TTC27: variants seen among roughly 807,000 people sequenced by gnomAD.
The protein encoded by TTC27 is tetratricopeptide repeat protein 27.
TTC27 carries 79 observed loss-of-function variants against 115.9 expected under a neutral mutation model. The ratio of observed to expected loss-of-function variants is 0.68; its 90% CI spans 0.57 to 0.82. The LOEUF (loss-of-function observed/expected upper bound fraction) is 0.82, where lower values mean the gene tolerates loss of function less well. Ranked by LOEUF, TTC27 falls within the 40% of genes least tolerant of loss-of-function variation. The pLI is 0.00. For missense variants in TTC27, 1,054 were observed against 993.1 expected, an observed-to-expected ratio of 1.06 and a Z score of -0.82; for synonymous variants, 401 against 356.0, an observed-to-expected ratio of 1.13 and a Z score of -1.42.
chr2:32,718,733 G>C (rs1043566002), intron 10 of TTC27, among the ~76,000 whole-genome samples: 3 of 152,200 alleles, frequency 2.0e-5, no homozygotes, highest in Non-Finnish European at 2.9e-5. Flanking sequence ...GCTGACTGCA[G>C]ACTCTGCACT....
chr2:32,695,895 A>T (rs1297422813), intron 9 of TTC27, among the ~76,000 whole-genome samples: 1 of 149,894 alleles, frequency 6.7e-6, no homozygotes, highest in Non-Finnish European at 1.5e-5. Flanking sequence ...CAAGAGTAAA[A>T]CTCCATCTCA....
chr2:32,754,835 C>CA (rs1553315717), intron 12 of TTC27, among the ~76,000 whole-genome samples: 2 of 149,056 alleles, frequency 1.3e-5, no homozygotes, highest in Admixed American at 6.6e-5. Flanking sequence ...TGACCCCCCC[C>CA]ACCTCCCTCC....
chr2:32,777,646 G>A (rs762098133), intron 13 of TTC27, among the ~76,000 whole-genome samples: 3 of 151,974 alleles, frequency 2.0e-5, no homozygotes, highest in South Asian at 2.1e-4. Context: ...GACTTTTTCC[G>A]TGAAACATAT....
intron 3 of TTC27, among the ~76,000 whole-genome samples, chr2:32,634,737 A>G (rs1165616326): frequency 6.6e-6 from 1 of 151,720 alleles, no homozygotes; most frequent in Non-Finnish European, 1.5e-5. Flanking sequence ...GCTCACTGCA[A>G]CCTCTGCCCC....
chr2:32,730,275 A>T (rs1460132967), intron 10 of TTC27, among the ~76,000 whole-genome samples: 2 of 152,230 alleles, frequency 1.3e-5, no homozygotes, highest in Non-Finnish European at 1.5e-5. Context: ...CTCCTAGACC[A>T]TTGAAAACAC....
intron 10 of TTC27, among the ~76,000 whole-genome samples, chr2:32,725,761 C>T (rs956524626): frequency 3.3e-5 from 5 of 152,202 alleles, no homozygotes; most frequent in African/African-American, 1.2e-4. Context: ...GTGGCTCCGA[C>T]CCCACATTTC....
At chr2:32,657,213 C>T (rs1454236596) in intron 5 of TTC27, among the ~76,000 whole-genome samples, 1 of 151,972 alleles carries the variant, frequency 6.6e-6, no homozygotes, top group East Asian at 1.9e-4. Context: ...TCTCGATCTC[C>T]TGACCTCGTG....
At chr2:32,717,863 T>C (rs1394580706) in intron 10 of TTC27, among the ~76,000 whole-genome samples, 1 of 152,182 alleles carries the variant, frequency 6.6e-6, no homozygotes, top group Non-Finnish European at 1.5e-5. Context: ...AATTTGACCA[T>C]GGGCTCTGGA....
intron 13 of TTC27, among the ~76,000 whole-genome samples, chr2:32,766,303 A>G (rs890123584): frequency 7.9e-5 from 12 of 152,148 alleles, no homozygotes; most frequent in African/African-American, 2.9e-4. Flanking sequence ...TCTTTTTGGT[A>G]AGGACATTCA....
intron 10 of TTC27, 60 bp downstream of exon 10, chr2:32,702,980 A>C (rs1039242820): frequency 6.0e-6 from 7 of 1,170,470 alleles, no homozygotes; most frequent in African/African-American, 1.5e-5. Context: ...ATCAGTAAGC[A>C]TACATGTTTG....
intron 16 of TTC27, among the ~76,000 whole-genome samples, chr2:32,788,670 A>C (rs942970876): frequency 2.6e-5 from 4 of 152,122 alleles, no homozygotes; most frequent in African/African-American, 9.7e-5. Context: ...CATATCTGCT[A>C]AGGATTAGTA....
At chr2:32,745,061 A>G in intron 12 of TTC27, among the ~76,000 whole-genome samples, 2 of 147,480 alleles carry the variant, frequency 1.4e-5, no homozygotes, top group Non-Finnish European at 3.0e-5. Flanking sequence ...TCTCAAAAAA[A>G]AAAAAAAAAA....
At chr2:32,708,704 T>G (rs1460376471) in intron 10 of TTC27, among the ~76,000 whole-genome samples, 1 of 149,408 alleles carries the variant, frequency 6.7e-6, no homozygotes, top group Admixed American at 6.7e-5. Context: ...TTGTTGTGTT[T>G]TGTTGTTTTA....
At chr2:32,644,261 A>C (rs908133884) in intron 4 of TTC27, among the ~76,000 whole-genome samples, 1 of 151,338 alleles carries the variant, frequency 6.6e-6, no homozygotes, top group Non-Finnish European at 1.5e-5. Flanking sequence ...CTGAGGCAGG[A>C]ATATTGCTTG....
At chr2:32,734,832 A>G (rs957021085) in intron 11 of TTC27, among the ~76,000 whole-genome samples, 1 of 152,202 alleles carries the variant, frequency 6.6e-6, no homozygotes, top group African/African-American at 2.4e-5. Flanking sequence ...AATAACAACC[A>G]ACTTTTACTG....
At chr2:32,652,080 AG>A (rs1168771018) in intron 5 of TTC27, among the ~76,000 whole-genome samples, 1 of 152,146 alleles carries the variant, frequency 6.6e-6, no homozygotes, top group Non-Finnish European at 1.5e-5. Flanking sequence ...TCTTTTTAAA[AG>A]GTAGGAGCCG....
chr2:32,745,286 A>G (rs1361065899), intron 12 of TTC27, among the ~76,000 whole-genome samples: 2 of 152,148 alleles, frequency 1.3e-5, no homozygotes, highest in Non-Finnish European at 2.9e-5. Flanking sequence ...GGCTCAGATG[A>G]TATCATCAGG....
intron 13 of TTC27, among the ~76,000 whole-genome samples, chr2:32,766,898 G>C (rs1669646702): frequency 6.6e-6 from 1 of 152,122 alleles, no homozygotes; most frequent in East Asian, 1.9e-4. Context: ...CAATCCTGCT[G>C]CGTCAGCCAC....
At chr2:32,654,661 G>T (rs925298493) in intron 5 of TTC27, among the ~76,000 whole-genome samples, 1 of 151,876 alleles carries the variant, frequency 6.6e-6, no homozygotes, top group Non-Finnish European at 1.5e-5. Flanking sequence ...CTTCTGAATG[G>T]GTGGGAGTAT....
Sources: gnomAD v4.1 joint callset for allele counts (sites outside exome capture counted in the v4.1 genomes callset) on GRCh38, gnomAD v4.1.1 for gene constraint, MANE v1.5 for transcripts, NCBI Gene and HGNC (gene_info 2026-07-23, HGNC 2026-07-21) for gene names.